The following MYRIP variants were observed in gnomAD, a reference collection of about 807,000 sequenced individuals.
The protein encoded by MYRIP is rab effector MyRIP.
Under a neutral mutation model 98.0 loss-of-function variants are expected in MYRIP, and 49 were observed. The ratio of observed to expected loss-of-function variants is 0.50; its 90% CI spans 0.40 to 0.63. MYRIP has a LOEUF of 0.63. MYRIP is among the 30% of genes least tolerant of loss of function. MYRIP has a pLI of 0.00. For synonymous variants in MYRIP, 404 were observed against 409.5 expected, an observed-to-expected ratio of 0.99 and a Z score of 0.16; for missense variants, 1,004 against 1,058.2, an observed-to-expected ratio of 0.95 and a Z score of 0.71.
At chr3:40,005,277 C>T (rs528467083) in intron 2 of MYRIP, among the ~76,000 whole-genome samples, 5 of 152,190 alleles carry the variant, frequency 3.3e-5, no homozygotes, top group Admixed American at 2.0e-4. Flanking sequence ...ATCATAGGCT[C>T]CTGTCTTACT....
chr3:40,021,429 T>C (rs1266355620), intron 2 of MYRIP, among the ~76,000 whole-genome samples: 4 of 152,226 alleles, frequency 2.6e-5, no homozygotes, highest in Non-Finnish European at 5.9e-5. Flanking sequence ...GGAGTTCACA[T>C]ACAATGCATG....
In MYRIP at chr3:39,845,249, G is replaced by A. The variant is rs79058147; in HGVS notation, c.-31+35333G>A. Among the ~76,000 whole-genome samples, 806 of 152,204 alleles carry A rather than the reference G, an allele frequency of 5.3e-3. 6 individuals carry two copies. The highest frequency in any genetic ancestry group is 0.019 in the African/African-American group (782 of 41,532). Reference sequence around the variant, plus strand: ...CTGTCTCATTGCAAGGCCTGGATGGGGTGCTGCTGGGCTGATTTGGACATT... The same window carrying A: ...CTGTCTCATTGCAAGGCCTGGATGGAGTGCTGCTGGGCTGATTTGGACATT... On this transcript the variant is annotated intron_variant, in intron 1 of 16. Coordinates refer to ENST00000302541, the MANE Select transcript of MYRIP (RefSeq NM_015460.4).
chr3:40,099,721 A>T (rs1279667826), intron 3 of MYRIP, among the ~76,000 whole-genome samples: 1 of 152,222 alleles, frequency 6.6e-6, no homozygotes, highest in Non-Finnish European at 1.5e-5. Context: ...GCATGTTTGT[A>T]TTAAGAACAT....
chr3:39,977,378 C>G (rs1945784107), intron 2 of MYRIP, among the ~76,000 whole-genome samples: 2 of 152,186 alleles, frequency 1.3e-5, no homozygotes, highest in Admixed American at 6.5e-5. Flanking sequence ...CAGAAACTGA[C>G]AAGAAATTCA....
chr3:40,163,343 A>G (rs910500763), intron 5 of MYRIP, among the ~76,000 whole-genome samples: 1 of 152,142 alleles, frequency 6.6e-6, no homozygotes, highest in South Asian at 2.1e-4. Flanking sequence ...TGTACTCTCT[A>G]TTCTCTCTTT....
At chr3:39,889,324 A>G (rs1387986452) in intron 1 of MYRIP, among the ~76,000 whole-genome samples, 1 of 152,216 alleles carries the variant, frequency 6.6e-6, no homozygotes, top group Non-Finnish European at 1.5e-5. Flanking sequence ...TGTGGCACAT[A>G]TACACCATGG....
At chr3:40,253,538 T>A (rs954364476) in intron 16 of MYRIP, among the ~76,000 whole-genome samples, 4 of 152,180 alleles carry the variant, frequency 2.6e-5, no homozygotes, top group Admixed American at 2.6e-4. Flanking sequence ...CATTAAAAAA[T>A]TTGGTAGGGG....
intron 2 of MYRIP, among the ~76,000 whole-genome samples, chr3:39,936,547 T>C (rs940883911): frequency 5.3e-5 from 8 of 152,176 alleles, no homozygotes; most frequent in African/African-American, 1.9e-4. Flanking sequence ...GGAATAATGA[T>C]GCCTCTCTGA....
chr3:39,921,450 A>G (rs571339682), intron 2 of MYRIP, among the ~76,000 whole-genome samples: 1 of 152,340 alleles, frequency 6.6e-6, no homozygotes, highest in African/African-American at 2.4e-5. Flanking sequence ...AGTACAAACA[A>G]TCATCATTTA....
intron 3 of MYRIP, among the ~76,000 whole-genome samples, chr3:40,118,902 C>T (rs1949339384): frequency 6.6e-6 from 1 of 151,980 alleles, no homozygotes; most frequent in African/African-American, 2.4e-5. Flanking sequence ...CTACAAAGGA[C>T]ATGAACTCAT....
At chr3:40,202,753 A>G in intron 10 of MYRIP, among the ~76,000 whole-genome samples, 1 of 152,054 alleles carries the variant, frequency 6.6e-6, no homozygotes, top group Admixed American at 6.6e-5. Flanking sequence ...GTCTTCATCA[A>G]TACAGAGTTC....
chr3:40,233,824 T>TG (rs1952736805), intron 11 of MYRIP, 35 bp from the exon 12 acceptor site: 2 of 1,583,832 alleles, frequency 1.3e-6, no homozygotes. Context: ...GTGCTGTTCT[T>TG]GTCTTCTGTC....
intron 11 of MYRIP, 130 bp from the exon 12 acceptor site, chr3:40,233,729 C>G: frequency 1.2e-6 from 1 of 838,348 alleles, no homozygotes; most frequent in East Asian, 2.6e-5. Flanking sequence ...TTCTTCAGCA[C>G]ATTGGTGTTT....
chr3:40,204,127 T>A (rs1181917743), intron 10 of MYRIP, among the ~76,000 whole-genome samples: 3 of 41,064 alleles, frequency 7.3e-5, no homozygotes, highest in African/African-American at 1.6e-4. Context: ...ATATAGAGTA[T>A]TATATAATAT....
chr3:40,050,259 G>A (rs1473352214), intron 3 of MYRIP, among the ~76,000 whole-genome samples: 2 of 152,160 alleles, frequency 1.3e-5, no homozygotes, highest in African/African-American at 4.8e-5. Context: ...AGGCTGTCTT[G>A]TTAGGGGCTG....
chr3:40,174,796 T>C (rs1387702719), intron 8 of MYRIP: 1 of 152,218 alleles, frequency 6.6e-6, no homozygotes, highest in Non-Finnish European at 1.5e-5. Context: ...TAGATAACCA[T>C]TTTTAGCTCC....
chr3:40,099,908 G>C (rs1003275346), intron 3 of MYRIP: 4 of 823,434 alleles, frequency 4.9e-6, no homozygotes, highest in African/African-American at 1.9e-5. Context: ...AATGAGCTTT[G>C]GTGCCTCTCT....
chr3:40,173,256 G>T (rs1950663742), intron 8 of MYRIP: 1 of 152,198 alleles, frequency 6.6e-6, no homozygotes, highest in South Asian at 2.1e-4. Flanking sequence ...CGGAATCCTA[G>T]CTACCCCAAG....
chr3:39,852,623 A>AACAT (rs1308151885), intron 1 of MYRIP, among the ~76,000 whole-genome samples: 2 of 152,048 alleles, frequency 1.3e-5, no homozygotes, highest in Non-Finnish European at 2.9e-5. Flanking sequence ...CACAAGTGAG[A>AACAT]ACATATGATA....
Sources: gnomAD v4.1 joint callset for allele counts (sites outside exome capture counted in the v4.1 genomes callset) on GRCh38, gnomAD v4.1.1 for gene constraint, MANE v1.5 for transcripts, NCBI Gene and HGNC (gene_info 2026-07-23, HGNC 2026-07-21) for gene names.